Variants in CNTN5 observed in about 807,000 individuals in gnomAD.
The protein encoded by CNTN5 is contactin 5, also known as contactin-5.
CNTN5 carries 77 observed loss-of-function variants against 129.1 expected under a neutral mutation model. That is an observed-to-expected ratio of 0.60 (90% CI 0.50 to 0.72). The LOEUF is 0.72. Ranked by LOEUF, CNTN5 falls within the 30% of genes least tolerant of loss-of-function variation. The probability of loss-of-function intolerance (pLI) is 0.00; values close to 1 mark genes in which losing one functional copy is unlikely to be tolerated. For synonymous variants in CNTN5, 509 were observed against 465.6 expected, an observed-to-expected ratio of 1.09 and a Z score of -1.20; for missense variants, 1,478 against 1,328.8, an observed-to-expected ratio of 1.11 and a Z score of -1.75.
intron 1 of CNTN5, among the ~76,000 whole-genome samples, chr11:99,090,194 A>G (rs1866181484): frequency 6.6e-6 from 1 of 152,216 alleles, no homozygotes; most frequent in Admixed American, 6.5e-5. Flanking sequence ...AAAAAGAGAC[A>G]ACGGGGATAT....
intron 13 of CNTN5, among the ~76,000 whole-genome samples, chr11:100,122,988 G>C (rs971743979): frequency 6.6e-6 from 1 of 152,056 alleles, no homozygotes; most frequent in Admixed American, 6.6e-5. Flanking sequence ...GATTTGCTGT[G>C]TGTGTAGATG....
rs61891514 is a variant in CNTN5, at chr11:99,163,437, T to C, written c.-210+142167T>C. On this transcript the variant is annotated intron_variant, in intron 1 of 24. Transcript: ENST00000524871. ...GTATGCTAGTTTTCTCCAATTATTTTAATAAGAAATATTTAATATTTAACA... is the reference window on the plus strand; with the variant it reads ...GTATGCTAGTTTTCTCCAATTATTTCAATAAGAAATATTTAATATTTAACA... Among the ~76,000 whole-genome samples the C allele has an allele frequency of 1.1e-3, 174 of 152,070 alleles. 2 individuals carry two copies. Among genetic ancestry groups the C allele is most frequent in the Non-Finnish European group, 2.0e-3 (138 of 67,976 alleles).
chr11:100,041,925 C>A (rs1013196483), intron 9 of CNTN5, among the ~76,000 whole-genome samples: 2 of 152,164 alleles, frequency 1.3e-5, no homozygotes, highest in Non-Finnish European at 2.9e-5. Flanking sequence ...AATACATAAT[C>A]ACACGTTCTG....
At chr11:99,553,010 T>C (rs1356465671) in intron 2 of CNTN5, among the ~76,000 whole-genome samples, 1 of 152,166 alleles carries the variant, frequency 6.6e-6, no homozygotes, top group Non-Finnish European at 1.5e-5. Context: ...CACAATGCAC[T>C]TATTCTTTGT....
At chr11:99,405,454 A>T (rs1052282820) in intron 2 of CNTN5, among the ~76,000 whole-genome samples, 2 of 151,866 alleles carry the variant, frequency 1.3e-5, no homozygotes, top group African/African-American at 4.8e-5. Context: ...AAGCTCACTA[A>T]TTCTTTCTTC....
intron 2 of CNTN5, among the ~76,000 whole-genome samples, chr11:99,357,485 C>T (rs1281402446): frequency 6.6e-6 from 1 of 151,922 alleles, no homozygotes; most frequent in Non-Finnish European, 1.5e-5. Context: ...CGCTCCTCCC[C>T]ACCCCCACCA....
intron 3 of CNTN5, among the ~76,000 whole-genome samples, chr11:99,775,679 GCTCT>G (rs749922655): frequency 3.2e-4 from 49 of 152,004 alleles, no homozygotes; most frequent in Non-Finnish European, 4.6e-4. Context: ...TGTATCACAT[GCTCT>G]CTCTCTATGT....
At position 99,627,481 on chromosome 11, in the gene CNTN5, A is replaced by G. The variant is rs181999718; in HGVS notation, c.55+71212A>G. Among the ~76,000 whole-genome samples, 10 of 152,280 alleles carry G rather than the reference A, an allele frequency of 6.6e-5. No individual in the cohort carries two copies. The East Asian group carries it at 1.2e-3, about 18-fold the overall frequency. On this transcript the variant is annotated intron_variant, in intron 3 of 24. Transcript: ENST00000524871. ...ATGTGAGAAAAAACTACACCGCATT[A>G]AAATAGTAAACCTCAGTTCCTGCTA... is the stretch of plus-strand genomic sequence containing the variant.
chr11:99,035,558 T>G (rs1391093880), intron 1 of CNTN5, among the ~76,000 whole-genome samples: 1 of 148,120 alleles, frequency 6.8e-6, no homozygotes, highest in Non-Finnish European at 1.5e-5. Context: ...CTTTGTTGGT[T>G]TAAAGTCTGT....
At chr11:100,122,185 T>C (rs1182154228) in intron 13 of CNTN5, among the ~76,000 whole-genome samples, 2 of 151,942 alleles carry the variant, frequency 1.3e-5, no homozygotes, top group East Asian at 3.9e-4. Flanking sequence ...ATTCTCAGTT[T>C]GAGGTTGAAG....
chr11:100,259,694 T>G (rs1482960345), intron 17 of CNTN5, among the ~76,000 whole-genome samples: 1 of 151,982 alleles, frequency 6.6e-6, no homozygotes, highest in Non-Finnish European at 1.5e-5. Flanking sequence ...CCTGAATGAC[T>G]ACTGGGTAAA....
At chr11:99,549,352 C>T (rs1234511128) in intron 2 of CNTN5, among the ~76,000 whole-genome samples, 1 of 152,016 alleles carries the variant, frequency 6.6e-6, no homozygotes, top group Non-Finnish European at 1.5e-5. Context: ...AGAGATATCC[C>T]TTTGGGATCT....
chr11:100,019,557 A>T (rs1261453195), intron 9 of CNTN5, among the ~76,000 whole-genome samples: 1 of 151,908 alleles, frequency 6.6e-6, no homozygotes, highest in African/African-American at 2.4e-5. Context: ...ATATTCCATT[A>T]TGTATATATA....
At chr11:99,641,312 G>A (rs1233813339) in intron 3 of CNTN5, among the ~76,000 whole-genome samples, 1 of 152,132 alleles carries the variant, frequency 6.6e-6, no homozygotes, top group East Asian at 1.9e-4. Flanking sequence ...TGAACAGTGA[G>A]GATCAACTTT....
chr11:99,295,492 C>T (rs1864342935), intron 1 of CNTN5, among the ~76,000 whole-genome samples: 1 of 152,152 alleles, frequency 6.6e-6, no homozygotes, highest in Non-Finnish European at 1.5e-5. Flanking sequence ...TTATTCTAAA[C>T]CATGGAAAAA....
intron 6 of CNTN5, among the ~76,000 whole-genome samples, chr11:99,849,228 A>G (rs1047872410): frequency 6.6e-6 from 1 of 151,658 alleles, no homozygotes; most frequent in Admixed American, 6.6e-5. Flanking sequence ...TAAATATAAT[A>G]AAATGTAAAG....
chr11:100,229,929 AT>A (rs1209109707), intron 16 of CNTN5, among the ~76,000 whole-genome samples: 4 of 152,150 alleles, frequency 2.6e-5, no homozygotes, highest in Non-Finnish European at 5.9e-5. Context: ...AAGCCTTCAC[AT>A]GGTTGAGTAA....
intron 18 of CNTN5, among the ~76,000 whole-genome samples, chr11:100,288,266 C>T (rs1351172642): frequency 2.0e-5 from 3 of 151,028 alleles, no homozygotes; most frequent in Admixed American, 6.6e-5. Flanking sequence ...ACCTAATAGA[C>T]ATCTACAGAA....
intron 3 of CNTN5, among the ~76,000 whole-genome samples, chr11:99,704,743 A>G (rs1300354289): frequency 2.0e-5 from 3 of 151,184 alleles, no homozygotes; most frequent in East Asian, 1.9e-4. Flanking sequence ...AGAATTCATT[A>G]TACTTTTGAA....
Sources: gnomAD v4.1 joint callset for allele counts (sites outside exome capture counted in the v4.1 genomes callset) on GRCh38, gnomAD v4.1.1 for gene constraint, MANE v1.5 for transcripts, NCBI Gene and HGNC (gene_info 2026-07-23, HGNC 2026-07-21) for gene names.